Variants in ADD2 observed in about 807,000 individuals in gnomAD.
The protein encoded by ADD2 is beta-adducin.
In ADD2, 23 loss-of-function variants were observed where a neutral mutation model predicts 83.0. The ratio of observed to expected loss-of-function variants is 0.28; its 90% CI spans 0.20 to 0.39. ADD2 has a LOEUF of 0.39. Among genes scored for constraint, ADD2 ranks in the 10% least tolerant of loss-of-function variants. The pLI, the probability that ADD2 is intolerant of heterozygous loss-of-function variation, is 1.00. For synonymous variants in ADD2, 375 were observed against 375.4 expected (o/e 1.00, Z 0.01); for missense variants, 758 against 944.9 (o/e 0.80, Z 2.59).
chr2:70,695,597 C>A, intron 6 of ADD2, 124 bp downstream of exon 6: 1 of 819,180 alleles, frequency 1.2e-6, no homozygotes. Context: ...GTCTTCTCTG[C>A]CCTATCAGAT....
At chr2:70,709,197 A>T (rs1176795479) in intron 2 of ADD2, among the ~76,000 whole-genome samples, 2 of 152,146 alleles carry the variant, frequency 1.3e-5, no homozygotes, top group African/African-American at 4.8e-5. Context: ...TCATCTTCTT[A>T]TGAAAGCCCT....
chr2:70,695,892 A>C, intron 5 of ADD2, 91 bp from the exon 6 acceptor site: 2 of 1,109,912 alleles, frequency 1.8e-6, no homozygotes, highest in Non-Finnish European at 2.7e-6. Context: ...CCCTGAATCT[A>C]CTGCACCCAA....
intron 1 of ADD2, among the ~76,000 whole-genome samples, chr2:70,743,431 G>A (rs1674024268): frequency 6.6e-6 from 1 of 152,224 alleles, no homozygotes; most frequent in East Asian, 1.9e-4. Context: ...CACAGAGGAA[G>A]AGGCAGCGTC....
chr2:70,720,810 T>C (rs7580774), intron 1 of ADD2, among the ~76,000 whole-genome samples: 47,835 of 152,068 alleles, frequency 0.31, 8,269 homozygotes, highest in African/African-American at 0.47. Context: ...CCCTAGGGAA[T>C]GTAAGCCAGC....
At position 70,660,821 on chromosome 2, in the gene ADD2, CTTCTCTCAGGGT is replaced by C. The variant is rs369767606; in HGVS notation, c.*2592_*2603del. ...TGTTTTAAAACCTTAGCAGCCATTGCTTCTCTCAGGGTTTCTCTGGTCCCCAAGATAGTTAAT... is the reference window on the plus strand; with the variant it reads ...TGTTTTAAAACCTTAGCAGCCATTGCTTCTCTGGTCCCCAAGATAGTTAAT... On this transcript the variant is annotated 3_prime_UTR_variant, in exon 16 of 16. Coordinates refer to ENST00000264436, the MANE Select transcript of ADD2 (RefSeq NM_001617.4). 10 of 152,338 alleles carry C rather than the reference CTTCTCTCAGGGT, an allele frequency of 6.6e-5. No homozygotes were observed. Among genetic ancestry groups the C allele is most frequent in the African/African-American group, 2.4e-4 (10 of 41,576 alleles). 9.4% of individuals were successfully genotyped at this position (152,338 alleles called of 1,614,324 possible). A position where few individuals can be genotyped will look rare whatever the true frequency, so the allele number is the denominator to read the frequency against.
At chr2:70,729,511 T>C (rs1320066232) in intron 1 of ADD2, among the ~76,000 whole-genome samples, 1 of 152,166 alleles carries the variant, frequency 6.6e-6, no homozygotes, top group Non-Finnish European at 1.5e-5. Flanking sequence ...ATTGAACTTA[T>C]GAAGAAACCA....
intron 4 of ADD2, 134 bp from the exon 5 acceptor site, chr2:70,696,530 T>C (rs1222014644): frequency 1.6e-6 from 2 of 1,216,924 alleles, no homozygotes; most frequent in Non-Finnish European, 2.3e-6. Flanking sequence ...AAACATTCTT[T>C]GACCCTTACC....
intron 11 of ADD2, 33 bp from the exon 12 acceptor site, chr2:70,677,910 AG>A (rs781890019): frequency 6.2e-7 from 1 of 1,613,476 alleles, no homozygotes; most frequent in South Asian, 1.1e-5. Flanking sequence ...GGCTGAGGTG[AG>A]GGAACAGGCC....
chr2:70,712,254 G>A (rs1406629193), intron 2 of ADD2, among the ~76,000 whole-genome samples: 3 of 151,908 alleles, frequency 2.0e-5, no homozygotes, highest in African/African-American at 7.3e-5. Context: ...GACCAGCCTG[G>A]CCAACATGGT....
Position 70,678,765 on chromosome 2 carries a change from A to G in ADD2, c.1322T>C (p.Leu441Pro). The G allele has an allele frequency of 6.2e-7, 1 of 1,611,084 alleles. No homozygotes were observed. Among genetic ancestry groups the G allele is most frequent in the East Asian group, 2.2e-5 (1 of 44,858 alleles). The change falls in exon 11 of 16, where the codon CTG (leucine) becomes CCG (proline). Residue 441 changes from leucine (L) to proline (P), a missense_variant. Around this residue, in one of 5 missense-constraint regions of ADD2, gnomAD observed 394 missense variants for 509.3 expected, o/e 0.77. Coordinates refer to ENST00000264436, the MANE Select transcript of ADD2 (RefSeq NM_001617.4). ...GACCTCATCGGCCACATTGACCCGC[A>G]GGTAGGTGTTGGGCGTATTGAGCCA... Reference protein sequence around the residue: ...TRWLNTPNTYLRVNVADEVQR... With the variant: ...TRWLNTPNTYPRVNVADEVQR...
chr2:70,741,925 T>C (rs547167517), intron 1 of ADD2, among the ~76,000 whole-genome samples: 38 of 150,610 alleles, frequency 2.5e-4, no homozygotes, highest in African/African-American at 6.5e-4. Context: ...CCCAGGCAAA[T>C]CCATTAACCA....
rs1675494048 is a variant in ADD2 at position 70,660,230 on chromosome 2, A to T, written c.*3195T>A. 6.6e-6 allele frequency: 1 copy of T among 152,218 alleles called. No homozygotes were observed. Among genetic ancestry groups the T allele is most frequent in the Non-Finnish European group, 1.5e-5 (1 of 68,046 alleles). The allele number at this position is 152,218 out of a possible 1,614,324, so 9.4% of individuals were successfully genotyped here. A position where few individuals can be genotyped will look rare whatever the true frequency, so the allele number is the denominator to read the frequency against. The stretch of plus-strand genomic sequence containing the variant: ...GGATGGCTGGACACCTCTCCCAGCA[A>T]TTCTACACCAAGACAAAATAAAACT... On this transcript the variant is annotated 3_prime_UTR_variant, in exon 16 of 16. Transcript: ENST00000264436.
chr2:70,733,923 C>T (rs1170442312), intron 1 of ADD2, among the ~76,000 whole-genome samples: 1 of 152,174 alleles, frequency 6.6e-6, no homozygotes, highest in Non-Finnish European at 1.5e-5. Flanking sequence ...AAAGCCCACC[C>T]CTAGCAGCAG....
Position 70,706,216 on chromosome 2 carries a change from C to T in ADD2, c.183+10G>A. The T allele has an allele frequency of 3.1e-6, 5 of 1,612,500 alleles. No individual in the cohort carries two copies. The highest frequency in any genetic ancestry group is 1.1e-5 in the South Asian group (1 of 90,922). On this transcript the variant is annotated intron_variant, in intron 3 of 15. Coordinates refer to ENST00000264436, the MANE Select transcript of ADD2 (RefSeq NM_001617.4). The surrounding 1 kb of genome is among the most constrained non-coding windows in gnomAD (Gnocchi z 5.0). ...CTGCGCCCTCTCCCGCCCGGGTCAG[C>T]CCCACTCACGGGACTCTGCAGGATC...
At chr2:70,752,095 C>T (rs1674534807) in intron 1 of ADD2, among the ~76,000 whole-genome samples, 2 of 152,202 alleles carry the variant, frequency 1.3e-5, no homozygotes, top group African/African-American at 2.4e-5. Context: ...CTGTAACACA[C>T]ACGCGCTTTG....
intron 15 of ADD2, among the ~76,000 whole-genome samples, chr2:70,670,452 G>A (rs571729387): frequency 9.2e-5 from 14 of 152,222 alleles, no homozygotes; most frequent in Non-Finnish European, 1.9e-4. Flanking sequence ...GGCGTAGCCA[G>A]TTGCCCTGAG....
intron 1 of ADD2, among the ~76,000 whole-genome samples, chr2:70,723,269 T>C (rs1229288273): frequency 6.6e-6 from 1 of 152,180 alleles, no homozygotes; most frequent in African/African-American, 2.4e-5. Context: ...CAGAGCATTA[T>C]CTAAGATAAT....
At chr2:70,701,030 G>A (rs1226170800) in intron 4 of ADD2, among the ~76,000 whole-genome samples, 2 of 151,954 alleles carry the variant, frequency 1.3e-5, no homozygotes, top group Non-Finnish European at 2.9e-5. Flanking sequence ...GGGTAAAAAA[G>A]AGAGAGAAAT....
chr2:70,723,370 T>A (rs1212927802), intron 1 of ADD2, among the ~76,000 whole-genome samples: 1 of 150,278 alleles, frequency 6.7e-6, no homozygotes, highest in African/African-American at 2.5e-5. Flanking sequence ...CTCATATGGA[T>A]TCTTAACATT....
Sources: allele counts gnomAD v4.1 joint callset (sites outside exome capture counted in the v4.1 genomes callset), GRCh38; gene constraint gnomAD v4.1.1; regional missense constraint gnomAD v4.1.1; non-coding constraint Gnocchi (gnomAD v3.1); transcripts MANE v1.5; gene names NCBI Gene and HGNC (gene_info 2026-07-23, HGNC 2026-07-21).